The following KCNT2 variants were observed in gnomAD, a reference collection of about 807,000 sequenced individuals.
KCNT2 encodes potassium channel subfamily T member 2.
In KCNT2, 67 loss-of-function variants were observed where a neutral mutation model predicts 153.8. That is an observed-to-expected ratio of 0.44 (90% CI 0.36 to 0.53). The LOEUF (loss-of-function observed/expected upper bound fraction) is 0.53. Ranked by LOEUF, KCNT2 falls within the 20% of genes least tolerant of loss-of-function variation. The pLI is 0.00. For synonymous variants in KCNT2, 500 were observed against 458.8 expected (o/e 1.09, Z -1.15); for missense variants, 975 against 1,354.8 (o/e 0.72, Z 4.40).
chr1:196,359,854 C>A (rs1414127135), intron 14 of KCNT2, among the ~76,000 whole-genome samples: 1 of 151,746 alleles, frequency 6.6e-6, no homozygotes, highest in Non-Finnish European at 1.5e-5. Flanking sequence ...ATTTGGAGTA[C>A]ATGCTATATA....
rs7512135 is a variant in KCNT2 at position 196,494,558 on chromosome 1, C to G, written c.96-2217G>C. ...GGACTACAGGCGCCAGCCACCATGC[C>G]GTGTTAGTCAGGATGGTCTCAATTT... On this transcript the variant is annotated intron_variant, in intron 1 of 27. Coordinates refer to ENST00000294725, the MANE Select transcript of KCNT2 (RefSeq NM_198503.5). Among the ~76,000 whole-genome samples the G allele has an allele frequency of 3.4e-4, 51 of 152,096 alleles. 1 individual carries two copies. The South Asian group carries it at 8.7e-3, about 26-fold the overall frequency.
At chr1:196,373,542 A>C (rs1480538487) in intron 13 of KCNT2, among the ~76,000 whole-genome samples, 2 of 151,854 alleles carry the variant, frequency 1.3e-5, no homozygotes. Flanking sequence ...TAAAATGCTT[A>C]ATCTTCCTAT....
chr1:196,401,646 A>G (rs927406982), intron 12 of KCNT2, among the ~76,000 whole-genome samples: 5 of 151,714 alleles, frequency 3.3e-5, no homozygotes, highest in Admixed American at 3.3e-4. Flanking sequence ...AATTTGAAAA[A>G]CAAAGAGAAA....
chr1:196,398,686 A>G lies in KCNT2; in HGVS notation c.1186-15T>C, dbSNP rs993982005. The G allele has an allele frequency of 3.8e-6, 5 of 1,301,694 alleles. No individual in the cohort carries two copies. In the African/African-American group the frequency reaches 7.3e-5, roughly 19 times the overall value. 80.6% of individuals were successfully genotyped at this position (1,301,694 alleles called of 1,614,324 possible). ...GTTTGGTGATCCTGAAGTGATCAAA[A>G]TAAAAACATCATAGCATAAGTTACA... On this transcript the variant is annotated splice_polypyrimidine_tract_variant and intron_variant, in intron 12 of 27. Transcript: ENST00000294725.
In KCNT2 at chr1:196,357,930, A is replaced by C. The variant is rs779205107; in HGVS notation, c.1403+15210T>G. Among the ~76,000 whole-genome samples, 39 of 151,852 alleles carry C rather than the reference A, an allele frequency of 2.6e-4. 1 individual carries two copies. The highest frequency in any genetic ancestry group is 5.3e-4 in the Admixed American group (8 of 15,170). On this transcript the variant is annotated intron_variant, in intron 14 of 27. Transcript: ENST00000294725. ...AATTTCTTTTTCCTCTTTCCTTTTC[A>C]GAAAATTTTCTTCATCATTAGTGTT...
chr1:196,326,782 A>T lies in KCNT2; in HGVS notation c.2211T>A (p.Val737=). Residue 737 remains valine, a synonymous_variant, in exon 19 of 28, where the codon GTT becomes GTA. Transcript: ENST00000294725. ...TTGGTCTATAATATGCCCTGAGAGGAACAATAAAGTTATATAATCCATTTC... is the reference window on the plus strand; with the variant it reads ...TTGGTCTATAATATGCCCTGAGAGGTACAATAAAGTTATATAATCCATTTC... ...TAGNGLYNFI[V]PLRAYYRPKK... 6.3e-7 allele frequency: 1 copy of T among 1,583,444 alleles called. No individual in the cohort carries two copies. Among genetic ancestry groups the T allele is most frequent in the Non-Finnish European group, 8.6e-7 (1 of 1,166,878 alleles).
chr1:196,580,827 C>A (rs1661944319), intron 1 of KCNT2, among the ~76,000 whole-genome samples: 1 of 152,092 alleles, frequency 6.6e-6, no homozygotes, highest in East Asian at 1.9e-4. Flanking sequence ...GGGAAAAACA[C>A]TCAAAAGGCT....
intron 1 of KCNT2, among the ~76,000 whole-genome samples, chr1:196,579,491 A>C (rs992277803): frequency 7.9e-5 from 12 of 151,952 alleles, no homozygotes; most frequent in African/African-American, 2.9e-4. Context: ...GTGAAAAAAA[A>C]AGTAGAAATT....
chr1:196,374,560 A>T (rs1668794603), intron 13 of KCNT2, among the ~76,000 whole-genome samples: 2 of 151,880 alleles, frequency 1.3e-5, no homozygotes, highest in Non-Finnish European at 2.9e-5. Flanking sequence ...AATATATTAT[A>T]ATTGACATAA....
At chr1:196,353,113 C>T (rs961844598) in intron 14 of KCNT2, among the ~76,000 whole-genome samples, 4 of 151,902 alleles carry the variant, frequency 2.6e-5, no homozygotes, top group Non-Finnish European at 5.9e-5. Flanking sequence ...GTATGGGCTG[C>T]TCCACAGCAG....
At chr1:196,465,155 C>A in intron 8 of KCNT2, 138 bp downstream of exon 8, 1 of 575,210 alleles carries the variant, frequency 1.7e-6, no homozygotes, top group Non-Finnish European at 3.1e-6. Flanking sequence ...CTTCTGTAGG[C>A]GATCTGTTAC....
At chr1:196,422,359 A>G (rs1178323570) in intron 12 of KCNT2, among the ~76,000 whole-genome samples, 1 of 151,988 alleles carries the variant, frequency 6.6e-6, no homozygotes, top group East Asian at 1.9e-4. Flanking sequence ...CATTGCAGAT[A>G]ATGGCTAGAG....
chr1:196,485,082 G>A (rs1006615749), intron 3 of KCNT2, among the ~76,000 whole-genome samples: 1 of 152,060 alleles, frequency 6.6e-6, no homozygotes, highest in African/African-American at 2.4e-5. Context: ...ATAAAAAAAT[G>A]TGGTACATAC....
In KCNT2 at chr1:196,301,263, G is replaced by A. The variant is rs74136507; in HGVS notation, c.2595+3971C>T. ...CCCCCCAAAATCATTCATACCTCCC[G>A]TCTCCCTTTCCTCTAGAAAGAAAGT... On this transcript the variant is annotated intron_variant, in intron 22 of 27. Coordinates refer to ENST00000294725, the MANE Select transcript of KCNT2 (RefSeq NM_198503.5). Among the ~76,000 whole-genome samples, 587 of 152,082 alleles carry A rather than the reference G, an allele frequency of 3.9e-3. 4 individuals carry two copies. Among genetic ancestry groups the A allele is most frequent in the African/African-American group, 0.012 (513 of 41,478 alleles).
At chr1:196,562,157 C>G (rs1429157423) in intron 1 of KCNT2, among the ~76,000 whole-genome samples, 1 of 151,900 alleles carries the variant, frequency 6.6e-6, no homozygotes, top group African/African-American at 2.4e-5. Context: ...AGATTTTTCC[C>G]ACAAGAGACA....
chr1:196,489,812 T>C lies in KCNT2; in HGVS notation c.275+26A>G, dbSNP rs1050409437. On this transcript the variant is annotated intron_variant, in intron 3 of 27. Coordinates refer to ENST00000294725, the MANE Select transcript of KCNT2 (RefSeq NM_198503.5). ...ACTCAAAATAATCAAAATAATATTG[T>C]TGAAGGTCAGAAAAAGGTACCTTAC... The C allele has an allele frequency of 2.6e-6, 3 of 1,151,886 alleles. No individual in the cohort carries two copies. The East Asian group carries it at 7.2e-5, about 28-fold the overall frequency. The allele number at this position is 1,151,886 out of a possible 1,614,324, so 71.4% of individuals were successfully genotyped here. A position where few individuals can be genotyped will look rare whatever the true frequency, so the allele number is the denominator to read the frequency against.
chr1:196,432,422 A>G (rs1193481299), intron 8 of KCNT2, among the ~76,000 whole-genome samples: 2 of 151,994 alleles, frequency 1.3e-5, no homozygotes, highest in African/African-American at 2.4e-5. Flanking sequence ...CTAGACCCCA[A>G]CTCCGTAAAC....
intron 1 of KCNT2, among the ~76,000 whole-genome samples, chr1:196,549,026 G>T (rs961996069): frequency 2.4e-4 from 36 of 151,912 alleles, no homozygotes; most frequent in African/African-American, 8.4e-4. Context: ...AGGGAGGAGG[G>T]ATAGCATTGG....
chr1:196,540,832 C>T (rs1443417254), intron 1 of KCNT2, among the ~76,000 whole-genome samples: 3 of 151,934 alleles, frequency 2.0e-5, no homozygotes, highest in Non-Finnish European at 2.9e-5. Flanking sequence ...TTTAGGAGGC[C>T]GAGAAGGGTG....
Sources: gnomAD v4.1 joint callset for allele counts (sites outside exome capture counted in the v4.1 genomes callset) on GRCh38, gnomAD v4.1.1 for gene constraint, MANE v1.5 for transcripts, NCBI Gene and HGNC (gene_info 2026-07-23, HGNC 2026-07-21) for gene names.